Variants in ENPP2 observed in about 807,000 individuals in gnomAD.
The protein encoded by ENPP2 is ectonucleotide pyrophosphatase/phosphodiesterase 2.
In ENPP2, 51 loss-of-function variants were observed where a neutral mutation model predicts 120.2. The observed-to-expected ratio is 0.42, with a 90% CI of 0.34 to 0.54. The LOEUF (loss-of-function observed/expected upper bound fraction) is 0.54. ENPP2 is among the 20% of genes least tolerant of loss of function. The pLI is 0.04. For missense variants in ENPP2, 920 were observed against 1,066.5 expected (o/e 0.86, Z 1.91); for synonymous variants, 365 against 366.4 (o/e 1.00, Z 0.04).
chr8:119,603,226 T>TAA lies in ENPP2; in HGVS notation c.834-1766_834-1765dup, dbSNP rs11424718. Among the ~76,000 whole-genome samples the TAA allele has an allele frequency of 9.5e-4, 142 of 149,518 alleles. 1 individual carries two copies. Among genetic ancestry groups the TAA allele is most frequent in the East Asian group, 8.2e-3 (42 of 5,118 alleles). On this transcript the variant is annotated intron_variant, in intron 9 of 24. Transcript: ENST00000075322. ...TGCATACTTTGAATTCTTTCCTGTT[T>TAA]AAAAAAAAAAAGTGAATGCCAGAGC...
intron 2 of ENPP2, among the ~76,000 whole-genome samples, chr8:119,632,807 C>T (rs113356705): frequency 0.089 from 13,606 of 152,244 alleles, 874 homozygotes; most frequent in South Asian, 0.2. Context: ...CGGTGGCTCA[C>T]GCCTGTAATC....
Position 119,570,720 on chromosome 8 carries a change from A to G in ENPP2, c.1902T>C (p.Tyr634=), listed in dbSNP as rs760483974. 4 of 1,568,102 alleles carry G rather than the reference A, an allele frequency of 2.6e-6. No homozygotes were observed. Among genetic ancestry groups the G allele is most frequent in the Non-Finnish European group, 8.7e-7 (1 of 1,156,066 alleles). ...EIFLMPLWTS[Y]TVSKQAEVSS... ...TCTCAATGACCTGTTTGGAAACAGT[A>G]TATGATGTCCAGAGTGGCATTAGGA... The change falls in exon 20 of 25, where the codon TAT becomes TAC. Residue 634 remains tyrosine, a synonymous_variant. Coordinates refer to ENST00000075322, the MANE Select transcript of ENPP2 (RefSeq NM_001040092.3).
At chr8:119,634,584 C>T (rs1816886874) in intron 2 of ENPP2, among the ~76,000 whole-genome samples, 1 of 152,146 alleles carries the variant, frequency 6.6e-6, no homozygotes, top group Non-Finnish European at 1.5e-5. Context: ...GACTTTATCC[C>T]CATTTTCCTG....
At chr8:119,638,868 A>C, upstream of ENPP2, 1 of 1,560,630 alleles carries the variant, frequency 6.4e-7, no homozygotes, top group Non-Finnish European at 8.8e-7. Flanking sequence ...TAGTCTATTA[A>C]CTATAAGCAA....
At chr8:119,628,567 G>A (rs72688233) in intron 2 of ENPP2, among the ~76,000 whole-genome samples, 17,409 of 152,120 alleles carry the variant, frequency 0.11, 1,196 homozygotes, top group Middle Eastern at 0.23. Flanking sequence ...CACCGTAAGA[G>A]GACTATTGCA....
intron 5 of ENPP2, 144 bp from the exon 6 acceptor site, chr8:119,617,707 G>C: frequency 1.6e-6 from 1 of 619,614 alleles, no homozygotes; most frequent in Non-Finnish European, 2.8e-6. Context: ...CCAGCACTTT[G>C]GGAGTCCGAG....
intron 23 of ENPP2, 81 bp downstream of exon 23, chr8:119,564,742 A>T: frequency 8.2e-7 from 1 of 1,214,382 alleles, no homozygotes; most frequent in Non-Finnish European, 1.2e-6. Flanking sequence ...TCTCTTCTCT[A>T]GTATATGAAT....
At chr8:119,569,517 T>C in intron 20 of ENPP2, 147 bp from the exon 21 acceptor site, 2 of 684,640 alleles carry the variant, frequency 2.9e-6, no homozygotes, top group South Asian at 2.8e-5. Context: ...GTCTGACTTC[T>C]TTTTAAAAGT....
intron 1 of ENPP2, among the ~76,000 whole-genome samples, chr8:119,650,445 T>C (rs1275207114): frequency 6.6e-6 from 1 of 152,184 alleles, no homozygotes; most frequent in Non-Finnish European, 1.5e-5. Flanking sequence ...CACTGAAATG[T>C]ACAGTTTAAA....
intron 21 of ENPP2, 67 bp downstream of exon 21, chr8:119,569,168 C>G: frequency 6.7e-7 from 1 of 1,493,178 alleles, no homozygotes; most frequent in South Asian, 1.2e-5. Context: ...CACTGAAATT[C>G]CAAATACCAA....
rs536026168 is a variant in ENPP2 at position 119,633,911 on chromosome 8, G to A, written c.136+4514C>T. On this transcript the variant is annotated intron_variant, in intron 2 of 24. Coordinates refer to ENST00000075322, the MANE Select transcript of ENPP2 (RefSeq NM_001040092.3). ...TAAACACAATGGTCTGACCTGCCTC[G>A]GTGACTCATGCCTGTAATCCTAGCA... Among the ~76,000 whole-genome samples the A allele has an allele frequency of 4.6e-5, 7 of 151,000 alleles. No homozygotes were observed. The South Asian group carries it at 1.0e-3, about 22-fold the overall frequency.
At chr8:119,616,226 C>T (rs751208947) in intron 8 of ENPP2, 39 bp downstream of exon 8, 1 of 1,551,358 alleles carries the variant, frequency 6.4e-7, no homozygotes. Context: ...AATACATGAA[C>T]ACACAAACAC....
chr8:119,606,678 A>G (rs1226290540), intron 9 of ENPP2, among the ~76,000 whole-genome samples: 2 of 152,078 alleles, frequency 1.3e-5, no homozygotes, highest in Non-Finnish European at 2.9e-5. Flanking sequence ...ACCAAACCCA[A>G]TTTCAATTTA....
At chr8:119,634,187 A>G (rs2130819500) in intron 2 of ENPP2, among the ~76,000 whole-genome samples, 1 of 130,232 alleles carries the variant, frequency 7.7e-6, no homozygotes, top group African/African-American at 2.9e-5. Flanking sequence ...TCTCTCAAAA[A>G]ATAAATACAT....
At chr8:119,571,669 T>G (rs771379315) in intron 19 of ENPP2, 5 of 152,354 alleles carry the variant, frequency 3.3e-5, no homozygotes, top group Non-Finnish European at 5.9e-5. Context: ...TTCCACAGAT[T>G]CTTGGAAATG....
chr8:119,570,463 G>A (rs1433125871), intron 20 of ENPP2, among the ~76,000 whole-genome samples: 1 of 152,070 alleles, frequency 6.6e-6, no homozygotes, highest in African/African-American at 2.4e-5. Flanking sequence ...GACTTAGGCA[G>A]AGTAAAAGAA....
rs1813685549 is a variant in ENPP2, at chr8:119,593,569, CCAGGGATCTCT to C, written c.1081+172_1081+182del. 2.0e-5 allele frequency among the ~76,000 whole-genome samples: 3 copies of C among 151,994 alleles called. No homozygotes were observed. In the South Asian group the frequency reaches 6.2e-4, roughly 32 times the overall value. ...GTCCCAGCTTTTGATCAAAATGAAC[CCAGGGATCTCT>C]CAGGTCATCTCATACTTTTCAATCA... On this transcript the variant is annotated intron_variant, in intron 12 of 24. Transcript: ENST00000075322.
At chr8:119,600,552 T>C in intron 11 of ENPP2, 126 bp downstream of exon 11, 1 of 621,888 alleles carries the variant, frequency 1.6e-6, no homozygotes, top group East Asian at 2.7e-5. Flanking sequence ...TTGTAGTTAT[T>C]TGACTTTGCA....
chr8:119,584,118 A>G, intron 15 of ENPP2, 69 bp from the exon 16 acceptor site: 1 of 1,074,070 alleles, frequency 9.3e-7, no homozygotes, highest in Non-Finnish European at 1.4e-6. Flanking sequence ...AGGTAATTTC[A>G]GGGTACAAAG....
Sources: gnomAD v4.1 joint callset for allele counts (sites outside exome capture counted in the v4.1 genomes callset) on GRCh38, gnomAD v4.1.1 for gene constraint, MANE v1.5 for transcripts, NCBI Gene and HGNC (gene_info 2026-07-23, HGNC 2026-07-21) for gene names.